Variants in STX3 observed in about 807,000 individuals in gnomAD.
STX3 encodes syntaxin-3.
A neutral mutation model predicts 40.2 loss-of-function variants in STX3; 19 were observed. The ratio of observed to expected loss-of-function variants is 0.47; its 90% CI spans 0.33 to 0.69. The LOEUF (loss-of-function observed/expected upper bound fraction) is 0.69, where lower values mean the gene tolerates loss of function less well. STX3 is among the 30% of genes least tolerant of loss of function. The pLI, the probability that STX3 is intolerant of heterozygous loss-of-function variation, is 0.02. For synonymous variants in STX3, 122 were observed against 132.2 expected (o/e 0.92, Z 0.53); for missense variants, 364 against 366.7 (o/e 0.99, Z 0.06).
intron 2 of STX3, among the ~76,000 whole-genome samples, chr11:59,780,019 A>G (rs563285030): frequency 3.3e-5 from 5 of 152,364 alleles, no homozygotes; most frequent in Non-Finnish European, 7.3e-5. Context: ...CCAATGGGGC[A>G]GGCAGGAAGC....
In STX3 at chr11:59,803,727, GC is replaced by G. The variant is rs972004394; in HGVS notation, c.*2905del. On this transcript the variant is annotated 3_prime_UTR_variant, in exon 11 of 11. Transcript: ENST00000337979. ...TTCAAGGTTAATGAAAGTTAACACA[GC>G]CTTGTATGTAGTCCTTTACCCCGGG... 6.5e-6 allele frequency: 1 copy of G among 153,808 alleles called. No homozygotes were observed. The highest frequency in any genetic ancestry group is 1.4e-5 in the Non-Finnish European group (1 of 69,160). 9.5% of individuals were successfully genotyped at this position (153,808 alleles called of 1,614,324 possible).
chr11:59,795,789 T>C, intron 9 of STX3: 2 of 1,304,288 alleles, frequency 1.5e-6, no homozygotes, highest in Non-Finnish European at 2.1e-6. Context: ...CCCCTACCTG[T>C]GTTCTTGAGC....
chr11:59,765,867 A>G (rs1863257445), intron 1 of STX3, among the ~76,000 whole-genome samples: 1 of 152,218 alleles, frequency 6.6e-6, no homozygotes, highest in African/African-American at 2.4e-5. Context: ...TTTGAGTTAA[A>G]TTTATTGGGA....
intron 2 of STX3, among the ~76,000 whole-genome samples, chr11:59,778,627 C>T (rs903431985): frequency 2.0e-5 from 3 of 152,140 alleles, no homozygotes; most frequent in Non-Finnish European, 4.4e-5. Flanking sequence ...GTGCAAAAAG[C>T]CTTCTGTGAT....
chr11:59,802,720 G>A lies in STX3; in HGVS notation c.*1896G>A, dbSNP rs1020194281. ...TTGATTGTGAAACGGTTCTGGCTCT[G>A]TCTCGATGCAGAAACACAATGATCT... On this transcript the variant is annotated 3_prime_UTR_variant, in exon 11 of 11. Transcript: ENST00000337979. The A allele has an allele frequency of 1.0e-6, 1 of 985,824 alleles. No homozygotes were observed. The highest frequency in any genetic ancestry group is 6.1e-5 in the Admixed American group (1 of 16,272). The allele number at this position is 985,824 out of a possible 1,614,324, so 61.1% of individuals were successfully genotyped here.
chr11:59,786,131 A>G (rs1487167503), intron 2 of STX3, among the ~76,000 whole-genome samples: 2 of 152,302 alleles, frequency 1.3e-5, no homozygotes, highest in Admixed American at 1.3e-4. Context: ...TGAGGAAATC[A>G]GTTAGTACAA....
intron 2 of STX3, among the ~76,000 whole-genome samples, chr11:59,782,980 C>T (rs1034891366): frequency 2.7e-5 from 4 of 149,742 alleles, no homozygotes; most frequent in Non-Finnish European, 5.9e-5. Context: ...GCCTGGGCAA[C>T]AGAGCAAGGC....
intron 8 of STX3, among the ~76,000 whole-genome samples, chr11:59,794,586 G>A (rs1335566603): frequency 6.6e-6 from 1 of 152,176 alleles, no homozygotes; most frequent in African/African-American, 2.4e-5. Context: ...GCCTTGCCGA[G>A]GAACTGGCTT....
intron 1 of STX3, among the ~76,000 whole-genome samples, chr11:59,756,200 T>G (rs1862708205): frequency 6.6e-6 from 1 of 151,256 alleles, no homozygotes; most frequent in Non-Finnish European, 1.5e-5. Flanking sequence ...GGAACAGCTG[T>G]GGTTAGGTCA....
intron 9 of STX3, chr11:59,795,842 A>G (rs2135030655): frequency 1.3e-6 from 1 of 757,136 alleles, no homozygotes; most frequent in East Asian, 2.7e-5. Flanking sequence ...CCCCTCCCTC[A>G]GCTTTTCCTA....
rs568794191 is a variant in STX3 at position 59,801,030 on chromosome 11, T to C, written c.*206T>C. The stretch of plus-strand genomic sequence containing the variant: ...GAATGTGATCTACCTGATGCGACCC[T>C]GAGTTCTCCCCAGAGCCTCCTCCTG... On this transcript the variant is annotated 3_prime_UTR_variant, in exon 11 of 11. Coordinates refer to ENST00000337979, the MANE Select transcript of STX3 (RefSeq NM_004177.5). 2.5e-5 allele frequency: 37 copies of C among 1,496,286 alleles called. No individual in the cohort carries two copies. The African/African-American group carries it at 4.3e-4, about 17-fold the overall frequency. The allele number at this position is 1,496,286 out of a possible 1,614,324, so 92.7% of individuals were successfully genotyped here.
At chr11:59,773,919 G>A (rs505972) in intron 2 of STX3, among the ~76,000 whole-genome samples, 3 of 146,768 alleles carry the variant, frequency 2.0e-5, no homozygotes, top group Non-Finnish European at 4.5e-5. Flanking sequence ...GCAGTGAGCC[G>A]AGATCGCACC....
chr11:59,762,249 A>G (rs374348158), intron 1 of STX3, among the ~76,000 whole-genome samples: 100 of 152,284 alleles, frequency 6.6e-4, no homozygotes, highest in South Asian at 4.6e-3. Context: ...GTGGTGGTGG[A>G]GCAGCCGTTA....
intron 1 of STX3, among the ~76,000 whole-genome samples, chr11:59,765,271 C>T (rs575633897): frequency 6.6e-6 from 1 of 152,288 alleles, no homozygotes; most frequent in East Asian, 1.9e-4. Context: ...AGTCATTTGA[C>T]TCTTCACATA....
intron 3 of STX3, 64 bp downstream of exon 3, chr11:59,787,200 T>C: frequency 6.8e-7 from 1 of 1,468,364 alleles, no homozygotes; most frequent in East Asian, 2.3e-5. Flanking sequence ...GAGCCAGCCT[T>C]GTTTTCTTGC....
intron 4 of STX3, among the ~76,000 whole-genome samples, chr11:59,789,394 G>A (rs1864976792): frequency 6.6e-6 from 1 of 151,532 alleles, no homozygotes; most frequent in East Asian, 1.9e-4. Context: ...GACGCACCTG[G>A]CCCATCAACT....
At position 59,756,958 on chromosome 11, in the gene STX3, C is replaced by T. The variant is rs188221011; in HGVS notation, c.30+1323C>T. On this transcript the variant is annotated intron_variant, in intron 1 of 10. Coordinates refer to ENST00000337979, the MANE Select transcript of STX3 (RefSeq NM_004177.5). ...TTGGATGAGACCTTCATTCCTGTTT[C>T]ACCTGTTCTGTGTAGCAGGGCTGCG... 3.3e-5 allele frequency among the ~76,000 whole-genome samples: 5 copies of T among 152,302 alleles called. No individual in the cohort carries two copies. In the East Asian group the frequency reaches 9.6e-4, roughly 29 times the overall value.
At chr11:59,758,123 T>C (rs1862830626) in intron 1 of STX3, among the ~76,000 whole-genome samples, 1 of 152,152 alleles carries the variant, frequency 6.6e-6, no homozygotes, top group African/African-American at 2.4e-5. Flanking sequence ...GACTTTGTTC[T>C]GGGTAGATAC....
At position 59,786,406 on chromosome 11, in the gene STX3, A is replaced by ATTTT. The variant is rs1362889318; in HGVS notation, c.115-618_115-615dup. Among the ~76,000 whole-genome samples, 299 of 127,028 alleles carry ATTTT rather than the reference A, an allele frequency of 2.4e-3. 4 individuals are homozygous for ATTTT. Among genetic ancestry groups the ATTTT allele is most frequent in the African/African-American group, 7.4e-3 (254 of 34,252 alleles). The allele number at this position is 127,028 out of a possible 152,430, so 83.3% of individuals were successfully genotyped here. On this transcript the variant is annotated intron_variant, in intron 2 of 10. Coordinates refer to ENST00000337979, the MANE Select transcript of STX3 (RefSeq NM_004177.5). ...AGGCGCCCACCATCACACCAGGCTA[A>ATTTT]TTTTTTTTTTTTTTTTGCATTTTTT...
Sources: allele counts gnomAD v4.1 joint callset (sites outside exome capture counted in the v4.1 genomes callset), GRCh38; gene constraint gnomAD v4.1.1; transcripts MANE v1.5; gene names NCBI Gene and HGNC (gene_info 2026-07-23, HGNC 2026-07-21).